Variants in SFRP1 observed in about 807,000 individuals in gnomAD.
SFRP1 encodes the protein secreted frizzled related protein 1.
In SFRP1, 9 loss-of-function variants were observed where a neutral mutation model predicts 25.9. The observed-to-expected ratio is 0.35, with a 90% CI of 0.21 to 0.61. SFRP1 has a LOEUF of 0.61. Ranked by LOEUF, SFRP1 falls within the 20% of genes least tolerant of loss-of-function variation. The pLI is 0.78. For synonymous variants in SFRP1, 178 were observed against 174.0 expected (o/e 1.02, Z -0.18); for missense variants, 346 against 418.2 (o/e 0.83, Z 1.51).
chr8:41,305,940 CCACACTGACTAAATGCACA>C (rs1463377420), intron 1 of SFRP1, among the ~76,000 whole-genome samples: 1 of 152,214 alleles, frequency 6.6e-6, no homozygotes, highest in African/African-American at 2.4e-5. Context: ...GTGGCCTCTG[CCACACTGACTAAATGCACA>C]ACATGCCCAA....
In SFRP1 at chr8:41,291,072, A is replaced by AT. The variant is rs113775656; in HGVS notation, c.622+12388dup. ...CAGGCGCCCGCCACCAGGCCCCGCTATTTTTTTTTGTATTTTTAGTGGAGA... is the reference window on the plus strand; with the variant it reads ...CAGGCGCCCGCCACCAGGCCCCGCTATTTTTTTTTTGTATTTTTAGTGGAGA... On this transcript the variant is annotated intron_variant, in intron 2 of 2. Transcript: ENST00000220772. Among the ~76,000 whole-genome samples, 1,223 of 147,818 alleles carry AT rather than the reference A, an allele frequency of 8.3e-3. 9 individuals are homozygous for AT. Among genetic ancestry groups the AT allele is most frequent in the African/African-American group, 0.014 (550 of 40,344 alleles).
rs567933170 is a variant in SFRP1, at chr8:41,288,311, C to T, written c.622+15150G>A. ...GGCAGAGGTTGCAGTGAGCCAAAAT[C>T]GTGCCATTGCACTCCAGCCTGGATG... On this transcript the variant is annotated intron_variant, in intron 2 of 2. Coordinates refer to ENST00000220772, the MANE Select transcript of SFRP1 (RefSeq NM_003012.5). 3.2e-4 allele frequency among the ~76,000 whole-genome samples: 49 copies of T among 151,932 alleles called. No individual in the cohort carries two copies. The South Asian group carries it at 6.6e-3, about 21-fold the overall frequency.
chr8:41,282,155 G>A (rs1803641689), intron 2 of SFRP1, among the ~76,000 whole-genome samples: 2 of 152,210 alleles, frequency 1.3e-5, no homozygotes, highest in East Asian at 1.9e-4. Context: ...TGCCTGCATG[G>A]CAAAGGGCCT....
intron 2 of SFRP1, among the ~76,000 whole-genome samples, chr8:41,276,656 A>C (rs1803575643): frequency 6.6e-6 from 1 of 152,252 alleles, no homozygotes; most frequent in Non-Finnish European, 1.5e-5. Flanking sequence ...AACTAAACTA[A>C]AAGAACAAGA....
chr8:41,293,010 G>A lies in SFRP1; in HGVS notation c.622+10451C>T, dbSNP rs1416558583. On this transcript the variant is annotated intron_variant, in intron 2 of 2. Transcript: ENST00000220772. ...CCTGCATCCTGTGAGTGGAAGCAGC[G>A]GCTGCGGGTTACGTGGAGGTGAGAG... Among the ~76,000 whole-genome samples, 11 of 152,214 alleles carry A rather than the reference G, an allele frequency of 7.2e-5. 1 individual carries two copies. Among genetic ancestry groups the A allele is most frequent in the South Asian group, 6.2e-4 (3 of 4,826 alleles).
At chr8:41,295,338 G>A (rs930452644) in intron 2 of SFRP1, among the ~76,000 whole-genome samples, 10 of 151,918 alleles carry the variant, frequency 6.6e-5, no homozygotes, top group Non-Finnish European at 1.0e-4. Context: ...TCCAGTCTGC[G>A]CAACAGAGGG....
chr8:41,299,946 T>C (rs143182900), intron 2 of SFRP1, among the ~76,000 whole-genome samples: 107 of 152,310 alleles, frequency 7.0e-4, no homozygotes, highest in Non-Finnish European at 4.4e-5. Context: ...AAACACGGCA[T>C]TAGATACAGA....
chr8:41,285,710 T>G (rs1003513898), intron 2 of SFRP1, among the ~76,000 whole-genome samples: 1 of 152,074 alleles, frequency 6.6e-6, no homozygotes, highest in East Asian at 1.9e-4. Context: ...TGAGCCCCCG[T>G]GAGTGCCAGG....
intron 1 of SFRP1, 86 bp from the exon 2 acceptor site, chr8:41,303,624 C>T (rs1803956663): frequency 1.1e-5 from 12 of 1,092,048 alleles, no homozygotes; most frequent in Non-Finnish European, 1.5e-5. Context: ...GCCCTGGGTC[C>T]AGGCTGAAAG....
intron 1 of SFRP1, among the ~76,000 whole-genome samples, chr8:41,307,813 G>C (rs1199635090): frequency 2.0e-5 from 3 of 152,192 alleles, no homozygotes; most frequent in African/African-American, 7.2e-5. Context: ...AGGCTGTTAG[G>C]AAAGTCTGCA....
chr8:41,278,659 C>A (rs4236915), intron 2 of SFRP1, among the ~76,000 whole-genome samples: 76,882 of 152,000 alleles, frequency 0.51, 20,596 homozygotes, highest in African/African-American at 0.7. Flanking sequence ...CCGAGGCCAG[C>A]CCTGCAGGGC....
chr8:41,275,332 T>TA (rs33974931), intron 2 of SFRP1: 5,096 of 244,380 alleles, frequency 0.021, 60 homozygotes, highest in African/African-American at 0.054. Flanking sequence ...AAGGTGCTGT[T>TA]AAAAAAAAAA....
rs1417804992 is a variant in SFRP1 at position 41,282,659 on chromosome 8, TCTTA to T, written c.623-17174_623-17171del. On this transcript the variant is annotated intron_variant, in intron 2 of 2. Transcript: ENST00000220772. ...CATTTTGAACATGGCAACCTGTTCC[TCTTA>T]CTTTTAATTCTGTATTATTTGGACA... Among the ~76,000 whole-genome samples, 3 of 152,108 alleles carry T rather than the reference TCTTA, an allele frequency of 2.0e-5. No homozygotes were observed. The East Asian group carries it at 5.8e-4, about 29-fold the overall frequency.
chr8:41,302,554 C>T (rs1001578927), intron 2 of SFRP1, among the ~76,000 whole-genome samples: 2 of 152,184 alleles, frequency 1.3e-5, no homozygotes, highest in African/African-American at 2.4e-5. Context: ...ATGAGAAACA[C>T]GTTGTTCAGC....
intron 2 of SFRP1, among the ~76,000 whole-genome samples, chr8:41,284,650 G>T (rs529155078): frequency 4.6e-4 from 70 of 152,284 alleles, no homozygotes; most frequent in African/African-American, 1.6e-3. Context: ...ACTCCACAGA[G>T]CCCAGCCTGC....
chr8:41,278,569 C>G (rs556920508), intron 2 of SFRP1, among the ~76,000 whole-genome samples: 1 of 152,172 alleles, frequency 6.6e-6, no homozygotes, highest in Admixed American at 6.5e-5. Context: ...AAGCCCAGAC[C>G]GCACAATGGG....
intron 2 of SFRP1, 70 bp downstream of exon 2, chr8:41,303,391 C>A: frequency 9.0e-7 from 1 of 1,105,824 alleles, no homozygotes; most frequent in East Asian, 2.4e-5. Flanking sequence ...ATCAGCAGGG[C>A]CTCCGTCTGG....
chr8:41,295,145 G>A lies in SFRP1; in HGVS notation c.622+8316C>T, dbSNP rs376638752. Among the ~76,000 whole-genome samples the A allele has an allele frequency of 2.9e-4, 44 of 152,246 alleles. No individual in the cohort carries two copies. The East Asian group carries it at 6.6e-3, about 23-fold the overall frequency. ...TGGGAGGCCAAGGAGGGCAGATCAC[G>A]AGGTCAGGAGTTCAAGACCAGCCTG... On this transcript the variant is annotated intron_variant, in intron 2 of 2. Coordinates refer to ENST00000220772, the MANE Select transcript of SFRP1 (RefSeq NM_003012.5).
chr8:41,275,215 G>C, intron 2 of SFRP1: 1 of 450,540 alleles, frequency 2.2e-6, no homozygotes, highest in Non-Finnish European at 4.5e-6. Context: ...CCTACCCAGA[G>C]CTTTATGATT....
Sources: gnomAD v4.1 joint callset for allele counts (sites outside exome capture counted in the v4.1 genomes callset) on GRCh38, gnomAD v4.1.1 for gene constraint, MANE v1.5 for transcripts, NCBI Gene and HGNC (gene_info 2026-07-23, HGNC 2026-07-21) for gene names.